The following FKBP15 variants were observed in gnomAD, a reference collection of about 807,000 sequenced individuals.
FKBP15 encodes the protein FKBP prolyl isomerase family member 15.
A neutral mutation model predicts 158.1 loss-of-function variants in FKBP15; 106 were observed. The observed-to-expected ratio is 0.67, with a 90% CI of 0.57 to 0.79. The LOEUF is 0.79. Ranked by LOEUF, FKBP15 falls within the 30% of genes least tolerant of loss-of-function variation. The pLI, the probability that FKBP15 is intolerant of heterozygous loss-of-function variation, is 0.00. For synonymous variants in FKBP15, 547 were observed against 548.6 expected (o/e 1.00, Z 0.04); for missense variants, 1,287 against 1,479.1 (o/e 0.87, Z 2.13).
chr9:113,186,013 G>A (rs1341046545), intron 15 of FKBP15, among the ~76,000 whole-genome samples: 1 of 152,188 alleles, frequency 6.6e-6, no homozygotes, highest in East Asian at 1.9e-4. Context: ...TGACGGAAAT[G>A]TTCTAAAATA....
chr9:113,211,776 T>C (rs1448959537), intron 1 of FKBP15, among the ~76,000 whole-genome samples, 184 bp from the exon 2 acceptor site: 1 of 151,572 alleles, frequency 6.6e-6, no homozygotes, highest in Non-Finnish European at 1.5e-5. Flanking sequence ...AATAAAAATA[T>C]TGGACACAGC....
At chr9:113,168,300 T>C (rs949892558) in intron 27 of FKBP15, among the ~76,000 whole-genome samples, 160 bp downstream of exon 27, 12 of 152,148 alleles carry the variant, frequency 7.9e-5, no homozygotes, top group Non-Finnish European at 8.8e-5. Context: ...CTTACAGAGC[T>C]GCGCCCTCCC....
chr9:113,181,871 C>T (rs1411100356), intron 19 of FKBP15, among the ~76,000 whole-genome samples: 2 of 152,150 alleles, frequency 1.3e-5, no homozygotes, highest in South Asian at 2.1e-4. Flanking sequence ...AACAATGTTA[C>T]AGGCTGCTGA....
intron 20 of FKBP15, among the ~76,000 whole-genome samples, chr9:113,176,893 C>T (rs763551008): frequency 3.3e-5 from 5 of 152,148 alleles, no homozygotes; most frequent in African/African-American, 7.2e-5. Context: ...GGATTACAGG[C>T]GTGAGCCCCT....
intron 12 of FKBP15, among the ~76,000 whole-genome samples, chr9:113,188,819 C>A (rs140689541): frequency 6.6e-6 from 1 of 152,196 alleles, no homozygotes; most frequent in Non-Finnish European, 1.5e-5. Context: ...AAGCCAGTAA[C>A]TGCCTTAAGA....
Position 113,173,912 on chromosome 9 carries a change from CT to C in FKBP15, c.2380-308del, listed in dbSNP as rs529166549. 4.9e-3 allele frequency among the ~76,000 whole-genome samples: 744 copies of C among 152,176 alleles called. 7 individuals are homozygous for C. The highest frequency in any genetic ancestry group is 0.017 in the African/African-American group (707 of 41,514). On this transcript the variant is annotated intron_variant, in intron 22 of 27. Coordinates refer to ENST00000238256, the MANE Select transcript of FKBP15 (RefSeq NM_015258.2). ...ACCCTAAACTTTATAGGTTCAGAAA[CT>C]TTTTTTCACCAAAATTCCCAGAGGT...
At chr9:113,218,647 C>T (rs1831194107) in intron 1 of FKBP15, among the ~76,000 whole-genome samples, 1 of 151,984 alleles carries the variant, frequency 6.6e-6, no homozygotes, top group Non-Finnish European at 1.5e-5. Context: ...GACCTGCAAC[C>T]ATAAACTGGT....
intron 27 of FKBP15, among the ~76,000 whole-genome samples, chr9:113,166,476 A>C (rs1320493990): frequency 2.0e-5 from 3 of 152,248 alleles, no homozygotes; most frequent in Non-Finnish European, 2.9e-5. Flanking sequence ...GTGGAGAAAG[A>C]AGGGTCAAAG....
At chr9:113,185,904 C>T (rs557047456) in intron 15 of FKBP15, among the ~76,000 whole-genome samples, 6 of 152,176 alleles carry the variant, frequency 3.9e-5, no homozygotes, top group South Asian at 4.1e-4. Flanking sequence ...TTACTATTTT[C>T]TCTAAACTCT....
Position 113,174,371 on chromosome 9 carries a change from C to G in FKBP15, c.2379+57G>C. The stretch of plus-strand genomic sequence containing the variant: ...GGTAAGGAAGAAACCAGAAGCTTTT[C>G]TCTCTGAGTCCTTCACACCTTCCCT... On this transcript the variant is annotated intron_variant, in intron 22 of 27. Transcript: ENST00000238256. 1.9e-6 allele frequency: 3 copies of G among 1,556,198 alleles called. No individual in the cohort carries two copies. In the Middle Eastern group the frequency reaches 6.0e-4, roughly 309 times the overall value.
chr9:113,178,583 T>A, intron 20 of FKBP15, 47 bp downstream of exon 20: 1 of 1,528,306 alleles, frequency 6.5e-7, no homozygotes, highest in Non-Finnish European at 8.8e-7. Context: ...GCTTAATTCC[T>A]TGAGTTTAAA....
intron 13 of FKBP15, 27 bp from the exon 14 acceptor site, chr9:113,187,926 G>A: frequency 6.5e-7 from 1 of 1,543,284 alleles, no homozygotes; most frequent in Non-Finnish European, 8.9e-7. Context: ...CATTTTCACT[G>A]TTATCCACCC....
intron 27 of FKBP15, among the ~76,000 whole-genome samples, chr9:113,167,292 G>C: frequency 6.6e-6 from 1 of 152,292 alleles, no homozygotes; most frequent in Non-Finnish European, 1.5e-5. Flanking sequence ...CTGTGAAGTC[G>C]TTTTCAGAGT....
At position 113,203,043 on chromosome 9, in the gene FKBP15, C is replaced by T. The variant is rs373775122; in HGVS notation, c.325-8G>A. 5.1e-6 allele frequency: 8 copies of T among 1,559,090 alleles called. No individual in the cohort carries two copies. Among genetic ancestry groups the T allele is most frequent in the Non-Finnish European group, 6.1e-6 (7 of 1,148,496 alleles). On this transcript the variant is annotated splice_region_variant and splice_polypyrimidine_tract_variant and intron_variant, in intron 4 of 27. Coordinates refer to ENST00000238256, the MANE Select transcript of FKBP15 (RefSeq NM_015258.2). ...ATAAAGAAGAATCCTATACTGTAGA[C>T]AAGCAACGACAGATAGAAAAAAAAA...
chr9:113,171,795 T>G (rs1830216162), intron 23 of FKBP15, 89 bp from the exon 24 acceptor site: 2 of 1,110,342 alleles, frequency 1.8e-6, no homozygotes, highest in African/African-American at 1.7e-5. Context: ...AAACATCAAG[T>G]CTCTTTTTTT....
chr9:113,186,140 G>C (rs1830481008), intron 15 of FKBP15, 109 bp downstream of exon 15: 2 of 716,004 alleles, frequency 2.8e-6, no homozygotes, highest in African/African-American at 1.8e-5. Flanking sequence ...TGTTAAAAAA[G>C]AGAAGAAACA....
rs1830042009 is a variant in FKBP15, at chr9:113,163,022, T to C, written c.*3056A>G. ...TCTTCTGATGGCTATTCCTCCACCTTATTCCCAGCCCCTGGAAACTTTGAG... is the reference window on the plus strand; with the variant it reads ...TCTTCTGATGGCTATTCCTCCACCTCATTCCCAGCCCCTGGAAACTTTGAG... On this transcript the variant is annotated 3_prime_UTR_variant, in exon 28 of 28. Transcript: ENST00000238256. 8.9e-7 allele frequency: 1 copy of C among 1,120,552 alleles called. No individual in the cohort carries two copies. The allele number at this position is 1,120,552 out of a possible 1,614,324, so 69.4% of individuals were successfully genotyped here.
chr9:113,210,849 T>G (rs1373751698), intron 2 of FKBP15, among the ~76,000 whole-genome samples: 3 of 152,236 alleles, frequency 2.0e-5, no homozygotes, highest in Non-Finnish European at 2.9e-5. Flanking sequence ...GCTGGATGCT[T>G]TCTGCCGTCG....
intron 2 of FKBP15, among the ~76,000 whole-genome samples, chr9:113,210,166 T>C (rs574289945): frequency 6.6e-6 from 1 of 152,262 alleles, no homozygotes; most frequent in Non-Finnish European, 1.5e-5. Flanking sequence ...GCGCACGCTA[T>C]CTAGCTGCTA....
Sources: gnomAD v4.1 joint callset for allele counts (sites outside exome capture counted in the v4.1 genomes callset) on GRCh38, gnomAD v4.1.1 for gene constraint, MANE v1.5 for transcripts, NCBI Gene and HGNC (gene_info 2026-07-23, HGNC 2026-07-21) for gene names.